Variants in UNC13C observed in about 807,000 individuals in gnomAD.
UNC13C encodes unc-13 homolog C.
In UNC13C, 174 loss-of-function variants were observed where a neutral mutation model predicts 245.4. The observed-to-expected ratio is 0.71, with a 90% CI of 0.63 to 0.80. The LOEUF (loss-of-function observed/expected upper bound fraction) is 0.80, where lower values mean the gene tolerates loss of function less well. Ranked by LOEUF, UNC13C falls within the 30% of genes least tolerant of loss-of-function variation. The pLI, the probability that UNC13C is intolerant of heterozygous loss-of-function variation, is 0.00. For synonymous variants in UNC13C, 992 were observed against 895.1 expected (o/e 1.11, Z -1.93); for missense variants, 2,829 against 2,602.9 (o/e 1.09, Z -1.89).
At chr15:53,987,427 T>A (rs925976281) in intron 1 of UNC13C, among the ~76,000 whole-genome samples, 6 of 152,064 alleles carry the variant, frequency 3.9e-5, no homozygotes, top group African/African-American at 1.4e-4. Flanking sequence ...GAAAAGAGAT[T>A]GCAGTGACAC....
At chr15:54,077,342 CTTT>C (rs1042190940) in intron 2 of UNC13C, among the ~76,000 whole-genome samples, 1 of 122,740 alleles carries the variant, frequency 8.1e-6, no homozygotes, top group African/African-American at 3.0e-5. Flanking sequence ...ACATCTATTT[CTTT>C]TTTATTTTTC....
the UNC13C span, among the ~76,000 whole-genome samples, chr15:53,899,523 C>G: frequency 1.3e-5 from 2 of 152,184 alleles, no homozygotes; most frequent in African/African-American, 2.4e-5. Flanking sequence ...TTAACTCACT[C>G]TTCTTATGCA....
chr15:54,237,445 A>G (rs903719463), intron 6 of UNC13C, 174 bp from the exon 7 acceptor site: 20 of 701,112 alleles, frequency 2.9e-5, no homozygotes, highest in Non-Finnish European at 5.0e-5. Context: ...TCCAGTTTTA[A>G]TATTGTATAA....
At chr15:53,938,223 T>C in the UNC13C span, among the ~76,000 whole-genome samples, 1 of 152,064 alleles carries the variant, frequency 6.6e-6, no homozygotes, top group East Asian at 1.9e-4. Context: ...AGAGTCACAT[T>C]CCTAGTTTCT....
chr15:53,918,058 C>G, the UNC13C span, among the ~76,000 whole-genome samples: 2 of 152,302 alleles, frequency 1.3e-5, no homozygotes, highest in South Asian at 4.1e-4. Flanking sequence ...ATAATAAATT[C>G]TCTGCCCAAG....
the UNC13C span, among the ~76,000 whole-genome samples, chr15:53,863,603 C>G: frequency 6.6e-6 from 1 of 152,122 alleles, no homozygotes; most frequent in Non-Finnish European, 1.5e-5. Context: ...TTTGTGCAAT[C>G]ATTCAATAGA....
the UNC13C span, among the ~76,000 whole-genome samples, chr15:53,941,002 A>G: frequency 3.3e-5 from 5 of 152,172 alleles, no homozygotes; most frequent in Non-Finnish European, 7.4e-5. Context: ...AGCCAAGACA[A>G]TCGTAAACAG....
At chr15:54,613,662 A>G (rs1900248997) in intron 30 of UNC13C, among the ~76,000 whole-genome samples, 1 of 152,018 alleles carries the variant, frequency 6.6e-6, no homozygotes, top group South Asian at 2.1e-4. Flanking sequence ...TTTGTGTAAT[A>G]TCTTCTTTTT....
At chr15:54,232,083 TA>T (rs928846862) in intron 4 of UNC13C, among the ~76,000 whole-genome samples, 1 of 152,074 alleles carries the variant, frequency 6.6e-6, no homozygotes, top group Non-Finnish European at 1.5e-5. Flanking sequence ...GTCAGTAAGG[TA>T]GACTGTTTTC....
intron 2 of UNC13C, among the ~76,000 whole-genome samples, chr15:54,105,079 TGGGAGCA>T (rs1409161735): frequency 3.9e-5 from 6 of 152,216 alleles, no homozygotes; most frequent in Admixed American, 1.3e-4. Flanking sequence ...CTATGGTTTC[TGGGAGCA>T]GGATGGACAA....
Position 54,015,992 on chromosome 15 carries a change from A to G in UNC13C, c.2983+106A>G, listed in dbSNP as rs188539739. 152 of 1,002,498 alleles carry G rather than the reference A, an allele frequency of 1.5e-4. 1 individual carries two copies. The highest frequency in any genetic ancestry group is 6.5e-4 in the South Asian group (35 of 53,928). 62.1% of individuals were successfully genotyped at this position (1,002,498 alleles called of 1,614,324 possible). Reference sequence around the variant, plus strand: ...TACTTGGGTGAAAGAGTTTACTTGCAATGACTTTCCATGCTTTACTCTGAG... The same window carrying G: ...TACTTGGGTGAAAGAGTTTACTTGCGATGACTTTCCATGCTTTACTCTGAG... On this transcript the variant is annotated intron_variant, in intron 2 of 32. Transcript: ENST00000260323.
At chr15:54,304,447 T>C (rs761301228) in intron 13 of UNC13C, among the ~76,000 whole-genome samples, 4 of 152,010 alleles carry the variant, frequency 2.6e-5, no homozygotes, top group Non-Finnish European at 1.5e-5. Context: ...TGAATACTTA[T>C]CATGACAAGC....
chr15:54,349,055 A>G (rs1596263811), intron 17 of UNC13C, among the ~76,000 whole-genome samples: 1 of 150,280 alleles, frequency 6.7e-6, no homozygotes, highest in Admixed American at 6.6e-5. Flanking sequence ...CTTAGAGTTA[A>G]TATGTTTATA....
At chr15:54,296,279 C>A (rs2037428170) in intron 11 of UNC13C, among the ~76,000 whole-genome samples, 1 of 152,054 alleles carries the variant, frequency 6.6e-6, no homozygotes, top group East Asian at 1.9e-4. Context: ...TGGCTCACTG[C>A]AAGCTCCGCC....
At chr15:54,428,962 G>A (rs755969297) in intron 19 of UNC13C, among the ~76,000 whole-genome samples, 44 of 151,594 alleles carry the variant, frequency 2.9e-4, no homozygotes, top group African/African-American at 1.0e-3. Context: ...GCCCCCAATC[G>A]GGTCCCGTAT....
chr15:53,976,477 C>CTTTTTTTT (rs10682648), upstream of UNC13C, among the ~76,000 whole-genome samples: 14 of 63,014 alleles, frequency 2.2e-4, 1 homozygote, highest in African/African-American at 4.0e-4. Context: ...CTCTCTCTCT[C>CTTTTTTTT]TTTTTTTTTT....
At chr15:54,139,244 A>C (rs1303267384) in intron 2 of UNC13C, among the ~76,000 whole-genome samples, 12 of 139,492 alleles carry the variant, frequency 8.6e-5, no homozygotes, top group African/African-American at 3.1e-4. Flanking sequence ...AGGTGTGAGC[A>C]ACCGCATCCG....
intron 13 of UNC13C, among the ~76,000 whole-genome samples, chr15:54,309,604 CTA>C (rs1345557802): frequency 6.6e-6 from 1 of 151,762 alleles, no homozygotes; most frequent in East Asian, 1.9e-4. Flanking sequence ...AGTTTTTCCT[CTA>C]TGTTTTCTTC....
At chr15:54,225,383 A>G (rs1006583447) in intron 4 of UNC13C, among the ~76,000 whole-genome samples, 2 of 152,208 alleles carry the variant, frequency 1.3e-5, no homozygotes, top group Non-Finnish European at 2.9e-5. Context: ...CGAATTGAAT[A>G]TATAAATTAC....
Sources: allele counts gnomAD v4.1 joint callset (sites outside exome capture counted in the v4.1 genomes callset), GRCh38; gene constraint gnomAD v4.1.1; transcripts MANE v1.5; gene names NCBI Gene and HGNC (gene_info 2026-07-23, HGNC 2026-07-21).